The following LRP2 variants were observed in gnomAD, a reference collection of about 807,000 sequenced individuals.
LRP2 encodes the protein low-density lipoprotein receptor-related protein 2.
LRP2 carries 172 observed loss-of-function variants against 531.0 expected under a neutral mutation model. That is an observed-to-expected ratio of 0.32 (90% CI 0.29 to 0.37). The LOEUF is 0.37. LRP2 is among the 10% of genes least tolerant of loss of function. The pLI is 1.00. For synonymous variants in LRP2, 1,992 were observed against 2,027.6 expected, an observed-to-expected ratio of 0.98 and a Z score of 0.47; for missense variants, 5,167 against 5,868.3, an observed-to-expected ratio of 0.88 and a Z score of 3.90.
intron 13 of LRP2, 187 bp from the exon 14 acceptor site, chr2:169,275,425 T>G (rs913230613): frequency 5.1e-6 from 3 of 585,722 alleles, no homozygotes; most frequent in African/African-American, 3.7e-5. Flanking sequence ...AGGATTTTCA[T>G]GTTGTCTCTT....
chr2:169,153,139 A>C (rs1686206863), intron 66 of LRP2, among the ~76,000 whole-genome samples, 175 bp from the exon 67 acceptor site: 1 of 152,230 alleles, frequency 6.6e-6, no homozygotes, highest in Non-Finnish European at 1.5e-5. Flanking sequence ...AAAACCTATC[A>C]AACTTGAGCT....
At chr2:169,198,143 G>A (rs1484544987) in intron 45 of LRP2, among the ~76,000 whole-genome samples, 1 of 152,172 alleles carries the variant, frequency 6.6e-6, no homozygotes, top group Non-Finnish European at 1.5e-5. Flanking sequence ...GTCAGGCACG[G>A]TGGCTCATAC....
intron 47 of LRP2, 44 bp downstream of exon 47, chr2:169,193,716 TC>T (rs762772693): frequency 1.2e-6 from 2 of 1,613,510 alleles, no homozygotes; most frequent in East Asian, 4.5e-5. Flanking sequence ...CTACTGTGTT[TC>T]CCTGGAATGT....
intron 3 of LRP2, among the ~76,000 whole-genome samples, chr2:169,316,141 C>CAA (rs34270545): frequency 0.35 from 45,069 of 128,214 alleles, 7,509 homozygotes; most frequent in African/African-American, 0.47. Flanking sequence ...GACCCTGTCT[C>CAA]AAAAAAAAAA....
At chr2:169,173,055 C>G (rs920596289) in intron 57 of LRP2, 41 bp downstream of exon 57, 3 of 1,613,594 alleles carry the variant, frequency 1.9e-6, no homozygotes, top group Non-Finnish European at 2.5e-6. Context: ...GACATGTGCA[C>G]TTTCTTGTCC....
chr2:169,332,634 A>G (rs926789432), intron 1 of LRP2, among the ~76,000 whole-genome samples: 1 of 152,244 alleles, frequency 6.6e-6, no homozygotes, highest in Non-Finnish European at 1.5e-5. Flanking sequence ...AAGTGGGTTT[A>G]TAAGTCACAA....
At chr2:169,227,264 T>C (rs971987662) in intron 31 of LRP2, among the ~76,000 whole-genome samples, 6 of 152,182 alleles carry the variant, frequency 3.9e-5, no homozygotes, top group Non-Finnish European at 7.3e-5. Context: ...CAATAAATGT[T>C]TGATAACTAA....
intron 12 of LRP2, among the ~76,000 whole-genome samples, chr2:169,278,379 G>T (rs887406707): frequency 3.9e-5 from 6 of 152,022 alleles, no homozygotes; most frequent in African/African-American, 1.4e-4. Context: ...AGCTACTCAG[G>T]AAGCTGAGGT....
intron 50 of LRP2, chr2:169,182,558 G>A (rs1206318502): frequency 1.9e-5 from 27 of 1,387,212 alleles, no homozygotes; most frequent in South Asian, 5.8e-5. Context: ...TAGAAAATAC[G>A]GGGGACACAC....
chr2:169,324,561 G>C (rs559693992), intron 1 of LRP2, among the ~76,000 whole-genome samples: 1 of 151,448 alleles, frequency 6.6e-6, no homozygotes, highest in African/African-American at 2.4e-5. Context: ...TTTTGAAATC[G>C]GTAGTAAAAT....
At chr2:169,130,531 C>A (rs1414599062) in intron 77 of LRP2, among the ~76,000 whole-genome samples, 2 of 152,172 alleles carry the variant, frequency 1.3e-5, no homozygotes, top group East Asian at 1.9e-4. Flanking sequence ...CATGATCCAC[C>A]CACCTCGGCC....
chr2:169,129,356 C>T (rs1406476829), intron 77 of LRP2, among the ~76,000 whole-genome samples: 1 of 152,152 alleles, frequency 6.6e-6, no homozygotes, highest in East Asian at 1.9e-4. Context: ...ATAGTATCTA[C>T]AAGCAAATCA....
chr2:169,138,447 G>A (rs553099551), intron 75 of LRP2, 130 bp downstream of exon 75: 11 of 952,924 alleles, frequency 1.2e-5, no homozygotes, highest in Admixed American at 6.5e-5. Context: ...CCTAACTTGT[G>A]TAGTGCAGAC....
intron 8 of LRP2, 44 bp from the exon 9 acceptor site, chr2:169,289,189 G>C: frequency 6.2e-7 from 1 of 1,611,724 alleles, no homozygotes; most frequent in East Asian, 2.2e-5. Context: ...GTGACCTCTG[G>C]ACAAGACTGA....
At chr2:169,150,814 GA>G (rs552792040) in intron 68 of LRP2, 83 bp downstream of exon 68, 228 of 1,552,558 alleles carry the variant, frequency 1.5e-4, no homozygotes, top group African/African-American at 1.0e-3. Flanking sequence ...GTTAAACTAG[GA>G]AAAAAAAATT....
At position 169,137,380 on chromosome 2, in the gene LRP2, A is replaced by G. The variant is rs1469661390; in HGVS notation, c.13620+12T>C. Reference sequence around the variant, plus strand: ...AGCAGTAACTGAAAGAAAAGACTGTATGGTTTCTCACCTGGATTGGCTGAA... The same window carrying G: ...AGCAGTAACTGAAAGAAAAGACTGTGTGGTTTCTCACCTGGATTGGCTGAA... On this transcript the variant is annotated intron_variant, in intron 76 of 78. Coordinates refer to ENST00000649046, the MANE Select transcript of LRP2 (RefSeq NM_004525.3). 6.3e-7 allele frequency: 1 copy of G among 1,575,500 alleles called. No homozygotes were observed. Among genetic ancestry groups the G allele is most frequent in the South Asian group, 1.1e-5 (1 of 90,232 alleles).
At position 169,193,824 on chromosome 2, in the gene LRP2, A is replaced by G. The variant is rs1402063944; in HGVS notation, c.8767T>C (p.Trp2923Arg). 1 of 1,614,052 alleles carries G rather than the reference A, an allele frequency of 6.2e-7. No homozygotes were observed. Among genetic ancestry groups the G allele is most frequent in the East Asian group, 2.2e-5 (1 of 44,884 alleles). The change falls in exon 47 of 79, where the codon TGG becomes CGG. Residue 2923 changes from tryptophan (W) to arginine (R), a missense_variant. By Grantham distance (101) the Trp-to-Arg change is moderately radical (BLOSUM62 -3). Coordinates refer to ENST00000649046, the MANE Select transcript of LRP2 (RefSeq NM_004525.3). ...CAGTCATTATCACCGTCACAGATCC[A>G]TTCGCTTGGGATGCACCTCCCACCA... ...CDGGRCIPSE[W>R]ICDGDNDCGD...
chr2:169,214,660 A>AGGAGAGAGT, intron 35 of LRP2, among the ~76,000 whole-genome samples: 1 of 152,286 alleles, frequency 6.6e-6, no homozygotes. Context: ...ATGAGCCTGG[A>AGGAGAGAGT]GGAGAGAGTG....
In LRP2 at chr2:169,239,570, T is replaced by C; in HGVS notation, c.4251A>G (p.Thr1417=). The C allele has an allele frequency of 6.2e-7, 1 of 1,614,100 alleles. No individual in the cohort carries two copies. The change falls in exon 26 of 79, where the codon ACA becomes ACG. Residue 1417 remains threonine, a synonymous_variant. Coordinates refer to ENST00000649046, the MANE Select transcript of LRP2 (RefSeq NM_004525.3). The part of the protein sequence containing the change: ...MRGSFRCSCD[T]GYMLESDGRT... ...TCCCATCACTTTCTAACATGTAGCC[T>C]GTATCACACGAGCACCGGAAAGAAC...
Sources: gnomAD v4.1 joint callset for allele counts (sites outside exome capture counted in the v4.1 genomes callset) on GRCh38, gnomAD v4.1.1 for gene constraint, MANE v1.5 for transcripts, NCBI Gene and HGNC (gene_info 2026-07-23, HGNC 2026-07-21) for gene names.